The following ATG10 variants were observed in gnomAD, a reference collection of about 807,000 sequenced individuals.
The protein encoded by ATG10 is ubiquitin-like-conjugating enzyme ATG10.
A neutral mutation model predicts 32.1 loss-of-function variants in ATG10; 30 were observed. That is an observed-to-expected ratio of 0.94 (90% CI 0.70 to 1.27). The LOEUF is 1.27. Among genes scored for constraint, ATG10 ranks in the 50% most tolerant of loss-of-function variants. ATG10 has a pLI of 0.00. For synonymous variants in ATG10, 87 were observed against 91.5 expected, an observed-to-expected ratio of 0.95 and a Z score of 0.28; for missense variants, 233 against 262.3, an observed-to-expected ratio of 0.89 and a Z score of 0.77.
intron 1 of ATG10, among the ~76,000 whole-genome samples, chr5:81,984,873 T>G (rs963359950): frequency 1.8e-4 from 27 of 152,358 alleles, no homozygotes; most frequent in African/African-American, 6.0e-4. Context: ...TATGGTACAT[T>G]ATGATGAATC....
intron 2 of ATG10, among the ~76,000 whole-genome samples, chr5:82,054,958 G>T (rs1460167942): frequency 6.6e-6 from 1 of 152,162 alleles, no homozygotes; most frequent in Non-Finnish European, 1.5e-5. Context: ...AATTGGAATG[G>T]TCAGGAAAAC....
At chr5:81,994,624 G>C (rs944816715) in intron 2 of ATG10, among the ~76,000 whole-genome samples, 15 of 152,150 alleles carry the variant, frequency 9.9e-5, no homozygotes, top group Non-Finnish European at 1.9e-4. Context: ...AAGTTGTTTA[G>C]AAGTAAGCAT....
At chr5:82,214,759 G>A (rs948278730) in intron 5 of ATG10, among the ~76,000 whole-genome samples, 1 of 152,132 alleles carries the variant, frequency 6.6e-6, no homozygotes, top group Non-Finnish European at 1.5e-5. Flanking sequence ...CTTACGAGGT[G>A]GCAGCTAACC....
chr5:82,242,701 C>T, intron 5 of ATG10: 1 of 326,614 alleles, frequency 3.1e-6, no homozygotes, highest in Middle Eastern at 4.1e-4. Context: ...TAAAAAAAAT[C>T]ATTGTAACCT....
At chr5:82,100,294 ACCG>A (rs1209376981) in intron 3 of ATG10, among the ~76,000 whole-genome samples, 2 of 152,174 alleles carry the variant, frequency 1.3e-5, no homozygotes, top group East Asian at 3.9e-4. Flanking sequence ...GGCGTGAGCC[ACCG>A]CACCTGGCCC....
intron 1 of ATG10, among the ~76,000 whole-genome samples, chr5:81,978,227 G>C (rs1760924539): frequency 6.6e-6 from 1 of 151,998 alleles, no homozygotes; most frequent in Non-Finnish European, 1.5e-5. Flanking sequence ...CCGCCACCAC[G>C]CCCAGCTAAT....
chr5:81,994,815 T>C (rs1561245124), intron 2 of ATG10, among the ~76,000 whole-genome samples: 1 of 152,212 alleles, frequency 6.6e-6, no homozygotes, highest in Non-Finnish European at 1.5e-5. Context: ...ATGTGAATTA[T>C]TAATGTTCTC....
In ATG10 at chr5:82,253,377, T is replaced by G; in HGVS notation, c.615T>G (p.Pro205=). The change falls in exon 7 of 8, where the codon CCT becomes CCG. Residue 205 remains proline, a synonymous_variant. Coordinates refer to ENST00000282185, the MANE Select transcript of ATG10 (RefSeq NM_031482.5). The part of the protein sequence containing the change: ...IVGPVVGLNL[P]LSYAKATSQD... Reference sequence around the variant, plus strand: ...GGCCAGTTGTTGGGCTGAATCTACCTCTGAGTTATGCCAAAGCAACGTCTC... The same window carrying G: ...GGCCAGTTGTTGGGCTGAATCTACCGCTGAGTTATGCCAAAGCAACGTCTC... 1 of 1,613,012 alleles carries G rather than the reference T, an allele frequency of 6.2e-7. No homozygotes were observed. Among genetic ancestry groups the G allele is most frequent in the Non-Finnish European group, 8.5e-7 (1 of 1,178,942 alleles).
chr5:82,202,701 C>G (rs917469570), intron 5 of ATG10, among the ~76,000 whole-genome samples: 2 of 152,052 alleles, frequency 1.3e-5, no homozygotes, highest in Non-Finnish European at 2.9e-5. Context: ...CATGTAGTTC[C>G]GTGTGACTAG....
rs369847002 is a variant in ATG10 at position 82,037,595 on chromosome 5, A to G, written c.109-20900A>G. On this transcript the variant is annotated intron_variant, in intron 2 of 7. Coordinates refer to ENST00000282185, the MANE Select transcript of ATG10 (RefSeq NM_031482.5). Reference sequence around the variant, plus strand: ...TTGAACTGTAGTCATGATAGTGAGCATTCTTCTATTTTTCTTTGCTTTAAT... The same window carrying G: ...TTGAACTGTAGTCATGATAGTGAGCGTTCTTCTATTTTTCTTTGCTTTAAT... 1.4e-3 allele frequency among the ~76,000 whole-genome samples: 219 copies of G among 152,228 alleles called. 2 individuals carry two copies. The highest frequency in any genetic ancestry group is 5.1e-3 in the African/African-American group (211 of 41,568).
intron 4 of ATG10, among the ~76,000 whole-genome samples, chr5:82,178,166 T>C (rs942899089): frequency 1.3e-5 from 2 of 151,856 alleles, no homozygotes; most frequent in African/African-American, 4.8e-5. Context: ...AATATGGGAG[T>C]CTGTTGGTTC....
intron 1 of ATG10, among the ~76,000 whole-genome samples, chr5:81,973,579 C>T (rs1382860408): frequency 1.3e-5 from 2 of 152,126 alleles, no homozygotes; most frequent in Admixed American, 1.3e-4. Flanking sequence ...CATTTTGAGT[C>T]ATATTTATAA....
intron 3 of ATG10, among the ~76,000 whole-genome samples, chr5:82,161,009 A>AG (rs1452851954): frequency 6.6e-6 from 1 of 152,198 alleles, no homozygotes; most frequent in African/African-American, 2.4e-5. Context: ...GAGTAAGACA[A>AG]GAACCTTAGT....
chr5:82,246,469 G>A lies in ATG10; in HGVS notation c.454-6093G>A, dbSNP rs572040666. ...TTTGGGAGATTAAGGTGGAAGGATC[G>A]ATGAGTTCAGAGTTCAAGACTAGTC... On this transcript the variant is annotated intron_variant, in intron 5 of 7. Coordinates refer to ENST00000282185, the MANE Select transcript of ATG10 (RefSeq NM_031482.5). Among the ~76,000 whole-genome samples the A allele has an allele frequency of 3.3e-5, 5 of 150,160 alleles. 1 individual carries two copies. The South Asian group carries it at 8.4e-4, about 25-fold the overall frequency.
chr5:82,156,484 T>A (rs2149888757), intron 3 of ATG10, among the ~76,000 whole-genome samples: 1 of 152,214 alleles, frequency 6.6e-6, no homozygotes, highest in East Asian at 1.9e-4. Flanking sequence ...ACCCTGGACT[T>A]GGAGCCTGAA....
At chr5:82,216,671 G>A (rs1329692759) in intron 5 of ATG10, among the ~76,000 whole-genome samples, 1 of 152,182 alleles carries the variant, frequency 6.6e-6, no homozygotes, top group Non-Finnish European at 1.5e-5. Flanking sequence ...TCTTACACTA[G>A]CAATAGATTA....
At chr5:82,113,396 T>A (rs1765676336) in intron 3 of ATG10, among the ~76,000 whole-genome samples, 1 of 152,014 alleles carries the variant, frequency 6.6e-6, no homozygotes, top group Non-Finnish European at 1.5e-5. Flanking sequence ...ATGTAAACTA[T>A]AATAGAGATA....
intron 3 of ATG10, among the ~76,000 whole-genome samples, chr5:82,135,413 CT>C (rs1165039559): frequency 1.3e-5 from 2 of 152,206 alleles, no homozygotes; most frequent in Non-Finnish European, 2.9e-5. Context: ...CCCAGAGATT[CT>C]GGTACATTGT....
chr5:82,129,081 T>G (rs1766401246), intron 3 of ATG10, among the ~76,000 whole-genome samples: 1 of 151,784 alleles, frequency 6.6e-6, no homozygotes, highest in Non-Finnish European at 1.5e-5. Flanking sequence ...TCTTCATGCT[T>G]TATTTCCTTA....
Sources: gnomAD v4.1 joint callset for allele counts (sites outside exome capture counted in the v4.1 genomes callset) on GRCh38, gnomAD v4.1.1 for gene constraint, MANE v1.5 for transcripts, NCBI Gene and HGNC (gene_info 2026-07-23, HGNC 2026-07-21) for gene names.